Variants in RAB38 observed in about 807,000 individuals in gnomAD.
RAB38 encodes ras-related protein Rab-38.
In RAB38, 15 loss-of-function variants were observed where a neutral mutation model predicts 18.4. The observed-to-expected ratio is 0.82, with a 90% CI of 0.55 to 1.26. RAB38 has a LOEUF of 1.26. RAB38 is among the 50% of genes most tolerant of loss of function. The pLI is 0.00. For missense variants in RAB38, 294 were observed against 267.4 expected (o/e 1.10, Z -0.69); for synonymous variants, 101 against 104.4 (o/e 0.97, Z 0.20).
the RAB38 span, among the ~76,000 whole-genome samples, chr11:88,026,257 T>C: frequency 6.6e-6 from 1 of 151,990 alleles, no homozygotes; most frequent in Non-Finnish European, 1.5e-5. Flanking sequence ...GGAAGGTAGA[T>C]GTGGTTATAA....
the RAB38 span, among the ~76,000 whole-genome samples, chr11:87,895,601 G>T: frequency 6.6e-6 from 1 of 151,634 alleles, no homozygotes; most frequent in African/African-American, 2.4e-5. Context: ...AGTTAATTAA[G>T]CTAGACAATG....
chr11:87,948,593 T>A, the RAB38 span, among the ~76,000 whole-genome samples: 1 of 151,984 alleles, frequency 6.6e-6, no homozygotes, highest in South Asian at 2.1e-4. Flanking sequence ...TTATTGAGAG[T>A]TTTTAGCATG....
At chr11:87,926,141 G>A in the RAB38 span, among the ~76,000 whole-genome samples, 7 of 151,640 alleles carry the variant, frequency 4.6e-5, no homozygotes, top group Non-Finnish European at 7.4e-5. Context: ...GAGCAGAGAG[G>A]TCCGACCAAT....
chr11:87,810,256 A>G, the RAB38 span, among the ~76,000 whole-genome samples: 7 of 151,978 alleles, frequency 4.6e-5, no homozygotes, highest in African/African-American at 1.7e-4. Context: ...CTAGATTTTT[A>G]TTATTTTTCT....
At chr11:88,005,316 C>T in the RAB38 span, among the ~76,000 whole-genome samples, 96 of 151,192 alleles carry the variant, frequency 6.3e-4, no homozygotes, top group Non-Finnish European at 7.6e-4. Context: ...AGAATAGACT[C>T]CAGAAATAAA....
chr11:87,937,311 C>CATATAT, the RAB38 span, among the ~76,000 whole-genome samples: 4,327 of 81,824 alleles, frequency 0.053, 249 homozygotes, highest in African/African-American at 0.062. Flanking sequence ...ACTTGGTCAT[C>CATATAT]ATATATATAT....
chr11:88,076,984 G>GAAAGAAAAGAAAAGAAAAGA, the RAB38 span, among the ~76,000 whole-genome samples: 2 of 63,692 alleles, frequency 3.1e-5, no homozygotes, highest in Admixed American at 1.9e-4. Context: ...AAGAAAGAAA[G>GAAAGAAAAGAAAAGAAAAGA]AAAGAAAAGA....
At chr11:87,805,720 C>CACAT in the RAB38 span, among the ~76,000 whole-genome samples, 1 of 132,868 alleles carries the variant, frequency 7.5e-6, no homozygotes, top group Non-Finnish European at 1.7e-5. Flanking sequence ...TGTATACACA[C>CACAT]ACATATATAC....
At chr11:87,966,867 TCTGTTAC>T in the RAB38 span, among the ~76,000 whole-genome samples, 56 of 152,318 alleles carry the variant, frequency 3.7e-4, no homozygotes, top group Non-Finnish European at 6.8e-4. Flanking sequence ...TCATGCATGT[TCTGTTAC>T]CTCTTTGGAT....
At chr11:87,898,580 C>T in the RAB38 span, among the ~76,000 whole-genome samples, 1 of 151,696 alleles carries the variant, frequency 6.6e-6, no homozygotes, top group Non-Finnish European at 1.5e-5. Flanking sequence ...CTGGCACATA[C>T]TAGGTGCCTA....
the RAB38 span, among the ~76,000 whole-genome samples, chr11:87,945,332 G>T: frequency 6.6e-6 from 1 of 152,204 alleles, no homozygotes; most frequent in South Asian, 2.1e-4. Context: ...GCTGACTACA[G>T]AACTTTAAAT....
chr11:87,838,574 T>C, the RAB38 span, among the ~76,000 whole-genome samples: 1 of 152,196 alleles, frequency 6.6e-6, no homozygotes, highest in Non-Finnish European at 1.5e-5. Context: ...CTAACAGTAA[T>C]TGAGCTCTCT....
chr11:88,067,908 G>C, the RAB38 span, among the ~76,000 whole-genome samples: 1 of 147,250 alleles, frequency 6.8e-6, no homozygotes, highest in Non-Finnish European at 1.5e-5. Flanking sequence ...CAGAACTTAA[G>C]GTAAAATTAT....
chr11:87,881,834 C>T, the RAB38 span, among the ~76,000 whole-genome samples: 1 of 151,778 alleles, frequency 6.6e-6, no homozygotes, highest in Non-Finnish European at 1.5e-5. Context: ...AACAGAAAAA[C>T]CTGTGAACCA....
chr11:87,826,211 A>G, the RAB38 span, among the ~76,000 whole-genome samples: 1 of 152,186 alleles, frequency 6.6e-6, no homozygotes, highest in Non-Finnish European at 1.5e-5. Context: ...CAGTGGTAGG[A>G]GTAACAGGAA....
the RAB38 span, among the ~76,000 whole-genome samples, chr11:88,042,150 A>G: frequency 3.8e-3 from 581 of 152,314 alleles, 2 homozygotes; most frequent in African/African-American, 0.013. Flanking sequence ...GAAAAAAAAA[A>G]TACCATTTCT....
At chr11:87,946,085 A>G in the RAB38 span, among the ~76,000 whole-genome samples, 8 of 152,280 alleles carry the variant, frequency 5.3e-5, no homozygotes, top group East Asian at 9.6e-4. Context: ...CTCTGATTTT[A>G]TTAGCAATCT....
At chr11:87,899,930 T>A in the RAB38 span, among the ~76,000 whole-genome samples, 45,095 of 151,278 alleles carry the variant, frequency 0.3, 8,546 homozygotes, top group African/African-American at 0.55. Context: ...CTGCAACAGG[T>A]AGCCAGCTTG....
At chr11:88,023,672 G>C in the RAB38 span, among the ~76,000 whole-genome samples, 3 of 152,152 alleles carry the variant, frequency 2.0e-5, no homozygotes, top group East Asian at 5.8e-4. Context: ...TACCAAAACA[G>C]CATGGTCCTG....
Sources: gnomAD v4.1 joint callset for allele counts (sites outside exome capture counted in the v4.1 genomes callset) on GRCh38, gnomAD v4.1.1 for gene constraint, MANE v1.5 for transcripts, NCBI Gene and HGNC (gene_info 2026-07-23, HGNC 2026-07-21) for gene names.